LTBP3: variants seen among roughly 807,000 people sequenced by gnomAD.
LTBP3 encodes latent-transforming growth factor beta-binding protein 3.
LTBP3 carries 97 observed loss-of-function variants against 159.7 expected under a neutral mutation model. The observed-to-expected ratio is 0.61, with a 90% CI of 0.52 to 0.72. The LOEUF (loss-of-function observed/expected upper bound fraction) is 0.72, where lower values mean the gene tolerates loss of function less well. Among genes scored for constraint, LTBP3 ranks in the 30% least tolerant of loss-of-function variants. LTBP3 has a pLI of 0.00. For missense variants in LTBP3, 1,584 were observed against 1,864.3 expected (o/e 0.85, Z 2.77); for synonymous variants, 824 against 777.1 (o/e 1.06, Z -1.00).
At chr11:65,551,637 A>G in intron 8 of LTBP3, 73 bp from the exon 9 acceptor site, 1 of 1,582,458 alleles carries the variant, frequency 6.3e-7, no homozygotes, top group Non-Finnish European at 8.7e-7. Flanking sequence ...TCAGCAGCTG[A>G]GTATTTGCAG....
chr11:65,547,952 T>A lies in LTBP3; in HGVS notation c.1814A>T (p.Tyr605Phe). The change falls in exon 12 of 28, where the codon TAC (tyrosine) becomes TTC (phenylalanine). Residue 605 changes from tyrosine (Y) to phenylalanine (F), a missense_variant. By Grantham distance (22) the Tyr-to-Phe change is conservative (BLOSUM62 3). Around this residue, in one of 6 missense-constraint regions of LTBP3, gnomAD observed 565 missense variants for 677.7 expected, o/e 0.83. Transcript: ENST00000301873. The surrounding 1 kb of genome is among the most constrained non-coding windows in gnomAD (Gnocchi z 4.6). ...GTAGCGGTGCTGGGGATGTGACCGGTAGCCGGGGTTGCAGTGGCAGGAGTA... is the reference window on the plus strand; with the variant it reads ...GTAGCGGTGCTGGGGATGTGACCGGAAGCCGGGGTTGCAGTGGCAGGAGTA... The part of the protein sequence containing the change: ...PDYSCHCNPG[Y>F]RSHPQHRYCV... 6.2e-7 allele frequency: 1 copy of A among 1,613,910 alleles called. No homozygotes were observed. The highest frequency in any genetic ancestry group is 8.5e-7 in the Non-Finnish European group (1 of 1,180,000).
In LTBP3 at chr11:65,543,337, A is replaced by G. The variant is rs760710845; in HGVS notation, c.2476+90T>C. 1.2e-5 allele frequency: 19 copies of G among 1,611,620 alleles called. No individual in the cohort carries two copies. The African/African-American group carries it at 1.9e-4, about 16-fold the overall frequency. On this transcript the variant is annotated intron_variant, in intron 17 of 27. Transcript: ENST00000301873. ...GTCAGTCCCACGCCCCTATGCCCCA[A>G]CTGAGATCTGGATTAGGACTGGACC...
Position 65,539,097 on chromosome 11 carries a change from G to A in LTBP3, c.3895C>T (p.Pro1299Ser). The A allele has an allele frequency of 1.4e-6, 2 of 1,441,424 alleles. No homozygotes were observed. Among genetic ancestry groups the A allele is most frequent in the Non-Finnish European group, 1.8e-6 (2 of 1,094,790 alleles). The allele number at this position is 1,441,424 out of a possible 1,614,324, so 89.3% of individuals were successfully genotyped here. A position where few individuals can be genotyped will look rare whatever the true frequency, so the allele number is the denominator to read the frequency against. ...CGGCGGCGTCAGCGGCGGCGCTGGG[G>A]AACGCAGGCCCCGTGCGGGCGGCTG... The part of the protein sequence containing the change: ...ARSRPHGACV[P>S]QRRR The change falls in exon 28 of 28, where the codon CCC becomes TCC. Residue 1299 changes from proline to serine, a missense_variant. By Grantham distance (74) the Pro-to-Ser change is moderately conservative. This residue lies in a region of LTBP3 where 514 missense variants were observed against 530.3 expected (regional missense o/e 0.97). Coordinates refer to ENST00000301873, the MANE Select transcript of LTBP3 (RefSeq NM_001130144.3).
rs1046486370 is a variant in LTBP3, at chr11:65,538,894, C to T, written c.*186G>A. On this transcript the variant is annotated 3_prime_UTR_variant, in exon 28 of 28. Transcript: ENST00000301873. ...AAGGCAGGCAGCGCCCGCCGGAGAC[C>T]TTACAACCGCCCGCTAACCGGGGAG... 1.9e-5 allele frequency: 23 copies of T among 1,195,506 alleles called. No homozygotes were observed. The Middle Eastern group carries it at 9.1e-4, about 47-fold the overall frequency. 74.1% of individuals were successfully genotyped at this position (1,195,506 alleles called of 1,614,324 possible).
rs115231286 is a variant in LTBP3, at chr11:65,543,323, G to A, written c.2477-99C>T. 3,716 of 1,610,866 alleles carry A rather than the reference G, an allele frequency of 2.3e-3. 65 individuals are homozygous for A. In the African/African-American group the frequency reaches 0.042, roughly 18 times the overall value. On this transcript the variant is annotated intron_variant, in intron 17 of 27. Transcript: ENST00000301873. ...TCCCAGAGCCCTGGGTCAGTCCCACGCCCCTATGCCCCAACTGAGATCTGG... is the reference window on the plus strand; with the variant it reads ...TCCCAGAGCCCTGGGTCAGTCCCACACCCCTATGCCCCAACTGAGATCTGG...
chr11:65,554,132 G>A lies in LTBP3; in HGVS notation c.580C>T (p.Pro194Ser), dbSNP rs1167243352. 13 of 1,611,628 alleles carry A rather than the reference G, an allele frequency of 8.1e-6. No individual in the cohort carries two copies. The highest frequency in any genetic ancestry group is 3.3e-4 in the Middle Eastern group (2 of 6,082). ...GGAGGCCCCTCCCCGGGCCCAGGAG[G>A]GTCAGCGATCACCTGGACGGCGTAG... Reference protein sequence around the residue: ...AIYAVQVIADPPGPGEGPPAQ... With the variant: ...AIYAVQVIADSPGPGEGPPAQ... Residue 194 changes from proline (P) to serine (S), a missense_variant, in exon 2 of 28, where the codon CCT becomes TCT. This residue lies in a region of LTBP3 where 194 missense variants were observed against 198.7 expected (regional missense o/e 0.98). Coordinates refer to ENST00000301873, the MANE Select transcript of LTBP3 (RefSeq NM_001130144.3). The surrounding 1 kb of genome is among the most constrained non-coding windows in gnomAD (Gnocchi z 5.3).
intron 9 of LTBP3, 25 bp from the exon 10 acceptor site, chr11:65,551,499 C>T (rs568882537): frequency 6.2e-7 from 1 of 1,614,096 alleles, no homozygotes; most frequent in Non-Finnish European, 8.5e-7. Context: ...AGCATGAGCC[C>T]TCCTGTCCCT....
chr11:65,557,861 C>A lies in LTBP3; in HGVS notation c.99G>T (p.Leu33=). ...CGACCCTGCCGCCCAGGCCCAGCAG[C>A]AGCAGCAGCAGCAGCAGCAGCAGCG... is the stretch of plus-strand genomic sequence containing the variant. ...LLALLLLLLL[L]LLGLGGRVEG... is the part of the protein sequence containing the mutation. The change falls in exon 1 of 28, where the codon CTG becomes CTT. Residue 33 remains leucine, a synonymous_variant. Coordinates refer to ENST00000301873, the MANE Select transcript of LTBP3 (RefSeq NM_001130144.3). 7.7e-7 allele frequency: 1 copy of A among 1,302,680 alleles called. No individual in the cohort carries two copies. The highest frequency in any genetic ancestry group is 9.8e-7 in the Non-Finnish European group (1 of 1,023,812). 80.7% of individuals were successfully genotyped at this position (1,302,680 alleles called of 1,614,324 possible).
At position 65,539,072 on chromosome 11, in the gene LTBP3, C is replaced by T. The variant is rs920262401; in HGVS notation, c.*8G>A. ...CCGAGGTCTGGGCCGAGGGCGGCGTCGGCGGCGTCAGCGGCGGCGCTGGGG... is the reference window on the plus strand; with the variant it reads ...CCGAGGTCTGGGCCGAGGGCGGCGTTGGCGGCGTCAGCGGCGGCGCTGGGG... On this transcript the variant is annotated 3_prime_UTR_variant, in exon 28 of 28. Coordinates refer to ENST00000301873, the MANE Select transcript of LTBP3 (RefSeq NM_001130144.3). 3 of 1,373,896 alleles carry T rather than the reference C, an allele frequency of 2.2e-6. No homozygotes were observed. Among genetic ancestry groups the T allele is most frequent in the Non-Finnish European group, 2.8e-6 (3 of 1,064,954 alleles). The allele number at this position is 1,373,896 out of a possible 1,614,324, so 85.1% of individuals were successfully genotyped here. A position where few individuals can be genotyped will look rare whatever the true frequency, so the allele number is the denominator to read the frequency against.
Position 65,557,829 on chromosome 11 carries a change from C to G in LTBP3, c.131G>C (p.Gly44Ala), listed in dbSNP as rs1261373070. 87 of 1,406,716 alleles carry G rather than the reference C, an allele frequency of 6.2e-5. 1 individual carries two copies. Among genetic ancestry groups the G allele is most frequent in the South Asian group, 1.2e-4 (8 of 65,548 alleles). The allele number at this position is 1,406,716 out of a possible 1,614,324, so 87.1% of individuals were successfully genotyped here. ...GCCTGCGCCCCGCTCGCCGGCCGGC[C>G]CCCCCTCGACCCTGCCGCCCAGGCC... ...LLGLGGRVEG[G>A]PAGERGAGGG... is the part of the protein sequence containing the mutation. Residue 44 changes from glycine (G) to alanine (A), a missense_variant, in exon 1 of 28, where the codon GGG (glycine) becomes GCG (alanine). Physicochemically the swap from Gly to Ala is moderately conservative, Grantham distance 60. Around this residue, in one of 6 missense-constraint regions of LTBP3, gnomAD observed 79 missense variants for 64.7 expected, o/e 1.22. Coordinates refer to ENST00000301873, the MANE Select transcript of LTBP3 (RefSeq NM_001130144.3).
intron 25 of LTBP3, 36 bp downstream of exon 25, chr11:65,539,684 C>T (rs901290783): frequency 3.2e-6 from 5 of 1,575,140 alleles, no homozygotes; most frequent in East Asian, 2.3e-5. Context: ...TGGCCCCCAT[C>T]CTCGCTCCCG....
chr11:65,551,863 G>T lies in LTBP3; in HGVS notation c.1531+109C>A, dbSNP rs1340752973. On this transcript the variant is annotated intron_variant, in intron 8 of 27. Transcript: ENST00000301873. Reference sequence around the variant, plus strand: ...GTGGGAGGTCAGTGGATGGGTCAGGGATAAGGAATTGGGGGTTAGACTGTG... The same window carrying T: ...GTGGGAGGTCAGTGGATGGGTCAGGTATAAGGAATTGGGGGTTAGACTGTG... 3.9e-6 allele frequency: 5 copies of T among 1,298,500 alleles called. No individual in the cohort carries two copies. The Admixed American group carries it at 5.0e-5, about 13-fold the overall frequency. 80.4% of individuals were successfully genotyped at this position (1,298,500 alleles called of 1,614,324 possible).
chr11:65,552,354 G>A lies in LTBP3; in HGVS notation c.1239C>T (p.His413=), dbSNP rs772094176. ...GGGTGGTCAGTGGGTGCTGGCACTGGTGCTCAGGGCTCACCAGGCGGAAAC... is the reference window on the plus strand; with the variant it reads ...GGGTGGTCAGTGGGTGCTGGCACTGATGCTCAGGGCTCACCAGGCGGAAAC... ...SLCFRLVSPE[H]QCQHPLTTRL... Residue 413 remains histidine (H), a synonymous_variant, in exon 7 of 28, where the codon CAC becomes CAT. Transcript: ENST00000301873. This position sits in a 1 kb window ranked among gnomAD's most constrained non-coding sequence, Gnocchi z 6.0. 5.4e-5 allele frequency: 87 copies of A among 1,613,938 alleles called. No homozygotes were observed. The South Asian group carries it at 9.0e-4, about 17-fold the overall frequency.
rs71470428 is a variant in LTBP3 at position 65,543,541 on chromosome 11, C to T, written c.2362G>A (p.Glu788Lys). ...PDGRSCLDVD[E>K]CEAGDVCDNG... Reference sequence around the variant, plus strand: ...TCACACACGTCCCCAGCCTCACACTCGTCCACATCTGCAGGGCATAGGGGG... The same window carrying T: ...TCACACACGTCCCCAGCCTCACACTTGTCCACATCTGCAGGGCATAGGGGG... The change falls in exon 17 of 28, where the codon GAG becomes AAG. Residue 788 changes from glutamate (E) to lysine (K), a missense_variant. This residue lies in a region of LTBP3 where 565 missense variants were observed against 677.7 expected (regional missense o/e 0.83). Coordinates refer to ENST00000301873, the MANE Select transcript of LTBP3 (RefSeq NM_001130144.3). 2.5e-6 allele frequency: 4 copies of T among 1,614,114 alleles called. No homozygotes were observed. Among genetic ancestry groups the T allele is most frequent in the Non-Finnish European group, 3.4e-6 (4 of 1,179,974 alleles).
rs1323739914 is a variant in LTBP3 at position 65,547,949 on chromosome 11, C to G, written c.1817G>C (p.Arg606Pro). 2.5e-6 allele frequency: 4 copies of G among 1,613,766 alleles called. No individual in the cohort carries two copies. The highest frequency in any genetic ancestry group is 3.4e-6 in the Non-Finnish European group (4 of 1,180,008). ...GCAGTAGCGGTGCTGGGGATGTGAC[C>G]GGTAGCCGGGGTTGCAGTGGCAGGA... is the stretch of plus-strand genomic sequence containing the variant. ...DYSCHCNPGY[R>P]SHPQHRYCVD... is the part of the protein sequence containing the mutation. The change falls in exon 12 of 28, where the codon CGG (arginine) becomes CCG (proline). Residue 606 changes from arginine (R) to proline (P), a missense_variant. Arg to Pro is a moderately radical substitution (Grantham distance 103, BLOSUM62 -2). This residue lies in a region of LTBP3 where 565 missense variants were observed against 677.7 expected (regional missense o/e 0.83). Coordinates refer to ENST00000301873, the MANE Select transcript of LTBP3 (RefSeq NM_001130144.3). The surrounding 1 kb of genome is among the most constrained non-coding windows in gnomAD (Gnocchi z 4.6).
chr11:65,546,726 C>CCCCCCCCCCGG lies in LTBP3; in HGVS notation c.2230+71_2230+72insCCGGGGGGGGG. The stretch of plus-strand genomic sequence containing the variant: ...GCCAATCACCACCGCTACCCCGCCC[C>CCCCCCCCCCGG]GCCCCCAGCGGAGCCAGACTGGGGG... On this transcript the variant is annotated intron_variant, in intron 15 of 27. Transcript: ENST00000301873. The surrounding 1 kb of genome is among the most constrained non-coding windows in gnomAD (Gnocchi z 4.0). The CCCCCCCCCCGG allele has an allele frequency of 6.6e-7, 1 of 1,520,494 alleles. No homozygotes were observed. Among genetic ancestry groups the CCCCCCCCCCGG allele is most frequent in the Non-Finnish European group, 8.9e-7 (1 of 1,126,564 alleles). 94.2% of individuals were successfully genotyped at this position (1,520,494 alleles called of 1,614,324 possible).
At position 65,552,328 on chromosome 11, in the gene LTBP3, CG is replaced by C; in HGVS notation, c.1264del (p.Arg422AlafsTer2). 1 of 1,614,060 alleles carries C rather than the reference CG, an allele frequency of 6.2e-7. No homozygotes were observed. Among genetic ancestry groups the C allele is most frequent in the Middle Eastern group, 1.6e-4 (1 of 6,062 alleles). On this transcript the variant is annotated frameshift_variant, in exon 7 of 28. Coordinates refer to ENST00000301873, the MANE Select transcript of LTBP3 (RefSeq NM_001130144.3). LOFTEE classifies it high-confidence loss of function. This position sits in a 1 kb window ranked among gnomAD's most constrained non-coding sequence, Gnocchi z 6.0. ...GCAGCAGCAGAGCTGGCGGGTCAGGCGGGTGGTCAGTGGGTGCTGGCACTGG... is the reference window on the plus strand; with the variant it reads ...GCAGCAGCAGAGCTGGCGGGTCAGGCGGTGGTCAGTGGGTGCTGGCACTGG... ...EHQCQHPLTT[R>X]LTRQLCCCSV...
intron 18 of LTBP3, chr11:65,541,955 T>C: frequency 1.9e-6 from 1 of 527,128 alleles, no homozygotes; most frequent in Non-Finnish European, 3.5e-6. Flanking sequence ...AACCTAAAAG[T>C]ATCAGAAGCC....
intron 11 of LTBP3, among the ~76,000 whole-genome samples, chr11:65,549,672 C>A (rs1316250096): frequency 7.0e-6 from 1 of 143,104 alleles, no homozygotes; most frequent in African/African-American, 2.6e-5. Flanking sequence ...CCCACCTCAG[C>A]CTCCCAAAGT....
Sources: allele counts gnomAD v4.1 joint callset (sites outside exome capture counted in the v4.1 genomes callset), GRCh38; gene constraint gnomAD v4.1.1; regional missense constraint gnomAD v4.1.1; non-coding constraint Gnocchi (gnomAD v3.1); transcripts MANE v1.5; gene names NCBI Gene and HGNC (gene_info 2026-07-23, HGNC 2026-07-21).